TNFSF11: variants seen among roughly 807,000 people sequenced by gnomAD.
The protein encoded by TNFSF11 is TNF superfamily member 11.
TNFSF11 carries 12 observed loss-of-function variants against 32.2 expected under a neutral mutation model. That is an observed-to-expected ratio of 0.37 (90% confidence interval 0.24 to 0.60). The LOEUF is 0.60. Among genes scored for constraint, TNFSF11 ranks in the 20% least tolerant of loss-of-function variants. The pLI is 0.66. For missense variants in TNFSF11, 345 were observed against 398.0 expected (o/e 0.87, Z 1.13); for synonymous variants, 172 against 152.1 (o/e 1.13, Z -0.96).
intron 2 of TNFSF11, among the ~76,000 whole-genome samples, chr13:42,568,325 A>G (rs1193028470): frequency 6.6e-6 from 1 of 152,194 alleles, no homozygotes; most frequent in Non-Finnish European, 1.5e-5. Flanking sequence ...GGTTTTTTCC[A>G]GTGGCAGGCT....
At chr13:42,599,658 C>T (rs1869058339) in intron 2 of TNFSF11, among the ~76,000 whole-genome samples, 1 of 152,070 alleles carries the variant, frequency 6.6e-6, no homozygotes, top group African/African-American at 2.4e-5. Flanking sequence ...TCCCCCGCAA[C>T]CTCCCGGTTC....
Position 42,607,075 on chromosome 13 carries a change from G to C in TNFSF11, c.*157G>C. On this transcript the variant is annotated 3_prime_UTR_variant, in exon 5 of 5. Transcript: ENST00000398795. Reference sequence around the variant, plus strand: ...ATGCTCTTGACCTTGTAGAGAACACGCGTATTTACAGCCAGTGGGAGATGT... The same window carrying C: ...ATGCTCTTGACCTTGTAGAGAACACCCGTATTTACAGCCAGTGGGAGATGT... 2 of 877,428 alleles carry C rather than the reference G, an allele frequency of 2.3e-6. No homozygotes were observed. Among genetic ancestry groups the C allele is most frequent in the South Asian group, 3.4e-5 (2 of 59,542 alleles). The allele number at this position is 877,428 out of a possible 1,614,324, so 54.4% of individuals were successfully genotyped here. A position where few individuals can be genotyped will look rare whatever the true frequency, so the allele number is the denominator to read the frequency against.
intron 2 of TNFSF11, among the ~76,000 whole-genome samples, chr13:42,582,575 A>G (rs916740335): frequency 6.6e-5 from 10 of 152,366 alleles, no homozygotes; most frequent in African/African-American, 2.2e-4. Flanking sequence ...AAAGTTGTGC[A>G]TTATGGAATG....
At chr13:42,578,570 T>C (rs1873434486) in intron 1 of TNFSF11, among the ~76,000 whole-genome samples, 1 of 152,246 alleles carries the variant, frequency 6.6e-6, no homozygotes, top group Admixed American at 6.5e-5. Context: ...GCATTCTTGA[T>C]TTCTTTTGGG....
chr13:42,587,540 A>G (rs1014460074), intron 2 of TNFSF11, among the ~76,000 whole-genome samples: 1 of 152,230 alleles, frequency 6.6e-6, no homozygotes, highest in Non-Finnish European at 1.5e-5. Flanking sequence ...AGGTCAAAAT[A>G]CTTTGGGATT....
intron 2 of TNFSF11, among the ~76,000 whole-genome samples, chr13:42,582,682 C>A (rs1039860656): frequency 6.6e-6 from 1 of 152,146 alleles, no homozygotes; most frequent in African/African-American, 2.4e-5. Flanking sequence ...TTTGGCTTCA[C>A]GCAGAATAGA....
At position 42,600,936 on chromosome 13, in the gene TNFSF11, C is replaced by G; in HGVS notation, c.487C>G (p.Gln163Glu). ...GGCCAAGAGGAGCAAGCTTGAAGCT[C>G]AGCCTTTTGCTCATCTCACTATTAA... ...DLAKRSKLEA[Q>E]PFAHLTINAT... Residue 163 changes from glutamine (Q) to glutamate (E), a missense_variant, in exon 4 of 5, where the codon CAG becomes GAG. Around this residue, in one of 2 missense-constraint regions of TNFSF11, gnomAD observed 148 missense variants for 216.0 expected, o/e 0.69. Coordinates refer to ENST00000398795, the MANE Select transcript of TNFSF11 (RefSeq NM_003701.4). 1 of 1,614,140 alleles carries G rather than the reference C, an allele frequency of 6.2e-7. No homozygotes were observed. The highest frequency in any genetic ancestry group is 1.6e-4 in the Middle Eastern group (1 of 6,062).
At position 42,581,195 on chromosome 13, in the gene TNFSF11, G is replaced by T; in HGVS notation, c.289G>T (p.Ala97Ser). The change falls in exon 2 of 5, where the codon GCA (alanine) becomes TCA (serine). Residue 97 changes from alanine (A) to serine (S), a missense_variant. By Grantham distance (99) the Ala-to-Ser change is moderately conservative. Around this residue, in one of 2 missense-constraint regions of TNFSF11, gnomAD observed 197 missense variants for 182.0 expected, o/e 1.08. Coordinates refer to ENST00000398795, the MANE Select transcript of TNFSF11 (RefSeq NM_003701.4). ...TAGAATTTTGAGACTCCATGAAAAT[G>T]CAGATTTTCAAGACACAACTCTGGA... ...IYRILRLHEN[A>S]DFQDTTLESQ... The T allele has an allele frequency of 6.2e-7, 1 of 1,614,040 alleles. No homozygotes were observed. The highest frequency in any genetic ancestry group is 8.5e-7 in the Non-Finnish European group (1 of 1,179,914).
At chr13:42,576,678 T>C (rs1873331789) in intron 1 of TNFSF11, among the ~76,000 whole-genome samples, 1 of 152,232 alleles carries the variant, frequency 6.6e-6, no homozygotes, top group Non-Finnish European at 1.5e-5. Flanking sequence ...AATGTGTTCA[T>C]ATGAATATAC....
chr13:42,594,526 G>A (rs913461825), intron 2 of TNFSF11, among the ~76,000 whole-genome samples: 2 of 152,174 alleles, frequency 1.3e-5, no homozygotes, highest in African/African-American at 2.4e-5. Flanking sequence ...AAAGAGGGGC[G>A]TATCCTTTGC....
intron 2 of TNFSF11, among the ~76,000 whole-genome samples, chr13:42,586,290 T>C (rs1386342973): frequency 6.6e-6 from 1 of 152,206 alleles, no homozygotes; most frequent in Non-Finnish European, 1.5e-5. Flanking sequence ...CAGGAATGAA[T>C]GGAGAAAAGC....
At chr13:42,581,700 C>T (rs1000575826) in intron 2 of TNFSF11, among the ~76,000 whole-genome samples, 1 of 152,076 alleles carries the variant, frequency 6.6e-6, no homozygotes, top group Admixed American at 6.5e-5. Context: ...AATGGCAGGG[C>T]CCCTTATTCC....
rs774289363 is a variant in TNFSF11 at position 42,574,347 on chromosome 13, C to T, written c.44C>T (p.Ser15Leu). The T allele has an allele frequency of 1.9e-6, 3 of 1,544,204 alleles. No homozygotes were observed. Among genetic ancestry groups the T allele is most frequent in the South Asian group, 1.2e-5 (1 of 83,724 alleles). Residue 15 changes from serine (S) to leucine (L), a missense_variant, in exon 1 of 5, where the codon TCG becomes TTG. By Grantham distance (145) the Ser-to-Leu change is moderately radical. This residue lies in a region of TNFSF11 where 197 missense variants were observed against 182.0 expected (regional missense o/e 1.08). Coordinates refer to ENST00000398795, the MANE Select transcript of TNFSF11 (RefSeq NM_003701.4). ...SRDYTKYLRG[S>L]EEMGGGPGAP... ...GACTACACCAAGTACCTGCGTGGCT[C>T]GGAGGAGATGGGCGGCGGCCCCGGA...
chr13:42,607,211 A>C lies in TNFSF11; in HGVS notation c.*293A>C. ...CCTTATGAGAAACTGCATGTGGGCT[A>C]TGGGAGGGGTTGGTCCCTGGTCATG... On this transcript the variant is annotated 3_prime_UTR_variant, in exon 5 of 5. Coordinates refer to ENST00000398795, the MANE Select transcript of TNFSF11 (RefSeq NM_003701.4). The C allele has an allele frequency of 5.8e-6, 2 of 344,066 alleles. No individual in the cohort carries two copies. The highest frequency in any genetic ancestry group is 6.8e-5 in the South Asian group (2 of 29,530). The allele number at this position is 344,066 out of a possible 1,614,324, so 21.3% of individuals were successfully genotyped here. A position where few individuals can be genotyped will look rare whatever the true frequency, so the allele number is the denominator to read the frequency against.
chr13:42,570,807 G>A (rs1480520492), upstream of TNFSF11, among the ~76,000 whole-genome samples: 1 of 152,120 alleles, frequency 6.6e-6, no homozygotes, highest in Non-Finnish European at 1.5e-5. Flanking sequence ...TCTAGTAGTA[G>A]TTTAAAGCAT....
chr13:42,574,650 C>T, intron 1 of TNFSF11, 128 bp downstream of exon 1: 2 of 1,184,464 alleles, frequency 1.7e-6, no homozygotes, highest in African/African-American at 1.5e-5. Flanking sequence ...GAAAGTGACT[C>T]CAGAAGGGAG....
At chr13:42,605,042 C>A (rs1869381701) in intron 4 of TNFSF11, among the ~76,000 whole-genome samples, 1 of 152,154 alleles carries the variant, frequency 6.6e-6, no homozygotes, top group African/African-American at 2.4e-5. Flanking sequence ...CTCAGCCTCC[C>A]AAAGTGCTGG....
chr13:42,567,881 A>T (rs1872925195), intron 2 of TNFSF11, among the ~76,000 whole-genome samples: 3 of 152,222 alleles, frequency 2.0e-5, no homozygotes, highest in Admixed American at 6.5e-5. Flanking sequence ...TCCAGCAGCT[A>T]AACAACACTA....
intron 1 of TNFSF11, among the ~76,000 whole-genome samples, chr13:42,578,518 A>T (rs952236760): frequency 6.6e-6 from 1 of 152,278 alleles, no homozygotes; most frequent in African/African-American, 2.4e-5. Context: ...GTGATCCTTG[A>T]GTAAACAAAA....
Sources: allele counts gnomAD v4.1 joint callset (sites outside exome capture counted in the v4.1 genomes callset), GRCh38; gene constraint gnomAD v4.1.1; regional missense constraint gnomAD v4.1.1; transcripts MANE v1.5; gene names NCBI Gene and HGNC (gene_info 2026-07-23, HGNC 2026-07-21).